The following DGKI variants were observed in gnomAD, a reference collection of about 807,000 sequenced individuals.
DGKI encodes the protein diacylglycerol kinase iota.
DGKI carries 55 observed loss-of-function variants against 147.5 expected under a neutral mutation model. The observed-to-expected ratio is 0.37, with a 90% CI of 0.30 to 0.47. DGKI has a LOEUF of 0.47. Among genes scored for constraint, DGKI ranks in the 20% least tolerant of loss-of-function variants. The pLI, the probability that DGKI is intolerant of heterozygous loss-of-function variation, is 1.00. For synonymous variants in DGKI, 469 were observed against 477.1 expected (o/e 0.98, Z 0.22); for missense variants, 1,007 against 1,323.8 (o/e 0.76, Z 3.71).
chr7:137,398,789 T>C (rs1261301067), intron 30 of DGKI, among the ~76,000 whole-genome samples: 2 of 151,806 alleles, frequency 1.3e-5, no homozygotes, highest in Admixed American at 6.6e-5. Context: ...TTTCTGCTTG[T>C]CCTATTTGAC....
chr7:137,621,743 T>C (rs569631889), intron 7 of DGKI, among the ~76,000 whole-genome samples: 2 of 152,352 alleles, frequency 1.3e-5, no homozygotes, highest in Middle Eastern at 6.8e-3. Context: ...TACAGATTAA[T>C]AGAAAGAGAG....
At chr7:137,587,048 T>C (rs753938225) in intron 13 of DGKI, 49 bp downstream of exon 13, 7 of 1,314,260 alleles carry the variant, frequency 5.3e-6, no homozygotes, top group Non-Finnish European at 7.2e-6. Flanking sequence ...GGATCTGGAA[T>C]CCGGTTTGTT....
At chr7:137,594,099 T>G (rs983840340) in intron 12 of DGKI, among the ~76,000 whole-genome samples, 9 of 152,166 alleles carry the variant, frequency 5.9e-5, no homozygotes, top group African/African-American at 1.9e-4. Context: ...CAGGCTGGAG[T>G]GCAGTAGCAC....
At chr7:137,528,327 C>A (rs1817223472) in intron 20 of DGKI, among the ~76,000 whole-genome samples, 1 of 152,122 alleles carries the variant, frequency 6.6e-6, no homozygotes, top group Non-Finnish European at 1.5e-5. Flanking sequence ...ATGTCCCCAT[C>A]AAAAAAGTAA....
At chr7:137,747,470 C>T (rs562443702) in intron 1 of DGKI, among the ~76,000 whole-genome samples, 1 of 152,138 alleles carries the variant, frequency 6.6e-6, no homozygotes, top group Non-Finnish European at 1.5e-5. Flanking sequence ...CCGTAAATGA[C>T]TTTGTAACTT....
intron 30 of DGKI, among the ~76,000 whole-genome samples, chr7:137,401,519 T>C (rs1191864671): frequency 6.9e-6 from 1 of 145,260 alleles, no homozygotes; most frequent in Non-Finnish European, 1.5e-5. Flanking sequence ...TGAGATTCTG[T>C]CTCAAAAAAA....
chr7:137,612,936 T>C (rs746016431), intron 8 of DGKI, among the ~76,000 whole-genome samples: 1 of 152,164 alleles, frequency 6.6e-6, no homozygotes, highest in Non-Finnish European at 1.5e-5. Flanking sequence ...GCCTGCTCTT[T>C]TGTTAAAGAC....
At chr7:137,742,851 A>T (rs988678545) in intron 1 of DGKI, among the ~76,000 whole-genome samples, 3 of 152,242 alleles carry the variant, frequency 2.0e-5, no homozygotes, top group Non-Finnish European at 4.4e-5. Context: ...ATAAAAAGAT[A>T]AAAATGGAAA....
intron 24 of DGKI, 110 bp downstream of exon 24, chr7:137,469,440 G>T: frequency 1.8e-6 from 2 of 1,100,692 alleles, no homozygotes; most frequent in Non-Finnish European, 2.7e-6. Flanking sequence ...GGAGTCACAT[G>T]AAGGCTTTCT....
chr7:137,724,528 A>G (rs1445435812), intron 1 of DGKI, among the ~76,000 whole-genome samples: 1 of 152,196 alleles, frequency 6.6e-6, no homozygotes, highest in African/African-American at 2.4e-5. Context: ...TTCGAGGTAT[A>G]TCTTGAAAGC....
chr7:137,409,073 A>T (rs868187163), intron 29 of DGKI, among the ~76,000 whole-genome samples: 2 of 152,332 alleles, frequency 1.3e-5, no homozygotes, highest in East Asian at 1.9e-4. Flanking sequence ...TTAATAATAT[A>T]TTAAATAGTT....
chr7:137,421,045 A>C (rs951106055), intron 28 of DGKI, among the ~76,000 whole-genome samples: 3 of 152,012 alleles, frequency 2.0e-5, no homozygotes, highest in African/African-American at 7.2e-5. Flanking sequence ...AAAAAGAAAA[A>C]AAAATCAGAT....
At chr7:137,741,206 G>A (rs1041717125) in intron 1 of DGKI, among the ~76,000 whole-genome samples, 2 of 152,174 alleles carry the variant, frequency 1.3e-5, no homozygotes, top group Non-Finnish European at 2.9e-5. Flanking sequence ...GCAATGTCTA[G>A]CTGAAACATC....
rs183560264 is a variant in DGKI at position 137,598,188 on chromosome 7, T to C, written c.1251-281A>G. On this transcript the variant is annotated intron_variant, in intron 11 of 32. Transcript: ENST00000614521. ...TAGTTTTATTTCCCATAACTTCTAT[T>C]ATATGTCAACATTATTTTCCTCGTT... Among the ~76,000 whole-genome samples the C allele has an allele frequency of 4.6e-3, 702 of 152,298 alleles. 3 individuals carry two copies. The highest frequency in any genetic ancestry group is 0.016 in the African/African-American group (669 of 41,554).
At chr7:137,659,654 C>T (rs1486814876) in intron 3 of DGKI, among the ~76,000 whole-genome samples, 4 of 152,342 alleles carry the variant, frequency 2.6e-5, no homozygotes, top group South Asian at 2.1e-4. Flanking sequence ...CAGTAGGGGC[C>T]GGGAGCAGTG....
In DGKI at chr7:137,384,501, T is replaced by A. The variant is rs1366297073; in HGVS notation, c.*6719A>T. 1 of 151,926 alleles carries A rather than the reference T, an allele frequency of 6.6e-6. No homozygotes were observed. Among genetic ancestry groups the A allele is most frequent in the Non-Finnish European group, 1.5e-5 (1 of 67,960 alleles). The allele number at this position is 151,926 out of a possible 1,614,324, so 9.4% of individuals were successfully genotyped here. A position where few individuals can be genotyped will look rare whatever the true frequency, so the allele number is the denominator to read the frequency against. ...TGGAAAATGACTTACTTAGAAAACA[T>A]GTTAATATGTAATTTCTAAAGACCC... is the stretch of plus-strand genomic sequence containing the variant. On this transcript the variant is annotated 3_prime_UTR_variant, in exon 33 of 33. Transcript: ENST00000614521.
intron 1 of DGKI, among the ~76,000 whole-genome samples, chr7:137,795,031 T>C (rs948285538): frequency 7.2e-5 from 11 of 152,160 alleles, no homozygotes; most frequent in African/African-American, 2.7e-4. Context: ...AAGAAGTCAG[T>C]CCTGATATGA....
At chr7:137,796,459 C>A (rs1797034606) in intron 1 of DGKI, among the ~76,000 whole-genome samples, 1 of 151,878 alleles carries the variant, frequency 6.6e-6, no homozygotes, top group African/African-American at 2.4e-5. Flanking sequence ...AAGATTGCAC[C>A]ACTGCACTCC....
Position 137,463,545 on chromosome 7 carries a change from T to C in DGKI, c.2679A>G (p.Ile893Met), listed in dbSNP as rs1201532296. 1 of 1,614,148 alleles carries C rather than the reference T, an allele frequency of 6.2e-7. No individual in the cohort carries two copies. The highest frequency in any genetic ancestry group is 1.7e-5 in the Admixed American group (1 of 60,028). ...RMLSDSGLGM[I>M]APYYEDSDLK... ...GATCTGAGTCCTCATAATAGGGAGCTATCATCCCCAGCCCACTGTCACTCA... is the reference window on the plus strand; with the variant it reads ...GATCTGAGTCCTCATAATAGGGAGCCATCATCCCCAGCCCACTGTCACTCA... The change falls in exon 27 of 33, where the codon ATA (isoleucine) becomes ATG (methionine). Residue 893 changes from isoleucine (I) to methionine (M), a missense_variant. Physicochemically the swap from Ile to Met is conservative, Grantham distance 10. Transcript: ENST00000614521.
Sources: gnomAD v4.1 joint callset for allele counts (sites outside exome capture counted in the v4.1 genomes callset) on GRCh38, gnomAD v4.1.1 for gene constraint, MANE v1.5 for transcripts, NCBI Gene and HGNC (gene_info 2026-07-23, HGNC 2026-07-21) for gene names.